ATF7: variants seen among roughly 807,000 people sequenced by gnomAD.
ATF7 encodes the protein activating transcription factor 7.
In ATF7, 10 loss-of-function variants were observed where a neutral mutation model predicts 50.4. The observed-to-expected ratio is 0.20, with a 90% CI of 0.12 to 0.34. The LOEUF is 0.34. Among genes scored for constraint, ATF7 ranks in the 10% least tolerant of loss-of-function variants. ATF7 has a pLI of 1.00. For missense variants in ATF7, 465 were observed against 613.9 expected (o/e 0.76, Z 2.56); for synonymous variants, 201 against 226.4 (o/e 0.89, Z 1.01).
chr12:53,561,435 T>A (rs575073732), intron 2 of ATF7, among the ~76,000 whole-genome samples: 1 of 152,004 alleles, frequency 6.6e-6, no homozygotes, highest in African/African-American at 2.4e-5. Flanking sequence ...AAATAACTGA[T>A]CTTTTTTTTG....
chr12:53,580,591 G>T (rs1159770249), intron 2 of ATF7, among the ~76,000 whole-genome samples: 1 of 149,308 alleles, frequency 6.7e-6, no homozygotes, highest in Admixed American at 6.7e-5. Context: ...GTGAACCCGG[G>T]AGGTGGAGCT....
intron 2 of ATF7, among the ~76,000 whole-genome samples, chr12:53,590,710 T>A (rs1304696986): frequency 6.6e-6 from 1 of 152,098 alleles, no homozygotes; most frequent in Non-Finnish European, 1.5e-5. Context: ...AGCTGTGGAG[T>A]CTCCCACGTC....
chr12:53,521,364 A>G (rs1038721116), intron 11 of ATF7, among the ~76,000 whole-genome samples: 4 of 152,120 alleles, frequency 2.6e-5, no homozygotes, highest in African/African-American at 9.7e-5. Flanking sequence ...GATCCTCACC[A>G]TGACTGATGA....
At chr12:53,535,333 A>AT (rs1939155665) in intron 5 of ATF7, among the ~76,000 whole-genome samples, 1 of 151,324 alleles carries the variant, frequency 6.6e-6, no homozygotes, top group Non-Finnish European at 1.5e-5. Flanking sequence ...TGCCTCAAAA[A>AT]AAAAAAAAAA....
At chr12:53,618,071 A>G (rs1016075620) in intron 1 of ATF7, among the ~76,000 whole-genome samples, 6 of 152,176 alleles carry the variant, frequency 3.9e-5, no homozygotes, top group Non-Finnish European at 7.3e-5. Context: ...CCAATGCAAA[A>G]TATTTGTTGT....
At chr12:53,591,679 G>A (rs1021805365) in intron 2 of ATF7, among the ~76,000 whole-genome samples, 61 of 152,298 alleles carry the variant, frequency 4.0e-4, no homozygotes, top group Admixed American at 1.2e-3. Context: ...TAATTGCCCA[G>A]TATCAAAAGA....
intron 11 of ATF7, among the ~76,000 whole-genome samples, chr12:53,519,840 GGGTTCAAGC>G (rs1937995948): frequency 6.6e-6 from 1 of 152,070 alleles, no homozygotes; most frequent in Non-Finnish European, 1.5e-5. Context: ...TCTGCCTCCT[GGGTTCAAGC>G]GATTCTCCTG....
intron 2 of ATF7, among the ~76,000 whole-genome samples, chr12:53,593,277 T>C (rs1943022488): frequency 6.6e-6 from 1 of 152,092 alleles, no homozygotes; most frequent in Non-Finnish European, 1.5e-5. Flanking sequence ...CATGGTGGTG[T>C]GCACCTGTAG....
At chr12:53,510,849 G>A (rs1460300122), downstream of ATF7, among the ~76,000 whole-genome samples, 5 of 152,218 alleles carry the variant, frequency 3.3e-5, no homozygotes, top group Non-Finnish European at 7.3e-5. Context: ...TCAGAGTGCA[G>A]CTTCAGTGGT....
chr12:53,600,338 TTC>T (rs1943340552), intron 2 of ATF7, among the ~76,000 whole-genome samples: 1 of 152,164 alleles, frequency 6.6e-6, no homozygotes, highest in South Asian at 2.1e-4. Context: ...AAACATTTCT[TTC>T]TTTCTTTTTT....
intron 9 of ATF7, among the ~76,000 whole-genome samples, chr12:53,530,521 G>A (rs2137370922): frequency 6.6e-6 from 1 of 151,910 alleles, no homozygotes; most frequent in African/African-American, 2.4e-5. Flanking sequence ...GTGATAAAAA[G>A]GGATTTAATT....
intron 1 of ATF7, among the ~76,000 whole-genome samples, chr12:53,611,452 AAAACAAAC>A (rs76059775): frequency 8.6e-5 from 13 of 151,644 alleles, no homozygotes; most frequent in South Asian, 4.2e-4. Context: ...ACTCTATCGC[AAAACAAAC>A]AAACAAACAA....
At chr12:53,530,181 A>G (rs1938783123) in intron 9 of ATF7, among the ~76,000 whole-genome samples, 1 of 152,240 alleles carries the variant, frequency 6.6e-6, no homozygotes, top group Non-Finnish European at 1.5e-5. Flanking sequence ...GTGGGGTTAC[A>G]GGAGGGTAGG....
chr12:53,561,396 T>A (rs926831768), intron 2 of ATF7, among the ~76,000 whole-genome samples: 12 of 150,962 alleles, frequency 7.9e-5, no homozygotes, highest in Admixed American at 1.3e-4. Context: ...TCTAGAATAG[T>A]GATGCTGGTG....
At chr12:53,541,500 T>G (rs992127533) in intron 4 of ATF7, among the ~76,000 whole-genome samples, 1 of 152,196 alleles carries the variant, frequency 6.6e-6, no homozygotes, top group Admixed American at 6.5e-5. Flanking sequence ...ATGGGAACTA[T>G]CTTCCTTTGA....
At chr12:53,617,542 T>C (rs1235654637) in intron 1 of ATF7, among the ~76,000 whole-genome samples, 3 of 152,074 alleles carry the variant, frequency 2.0e-5, no homozygotes, top group Admixed American at 6.5e-5. Flanking sequence ...GGCAGAAGAA[T>C]TGCTTGTAAT....
intron 11 of ATF7, among the ~76,000 whole-genome samples, chr12:53,519,803 G>A (rs1489128093): frequency 1.3e-5 from 2 of 152,098 alleles, no homozygotes; most frequent in Non-Finnish European, 2.9e-5. Flanking sequence ...CTGGAGTGCA[G>A]TGGCACTATT....
At chr12:53,534,263 C>G (rs879276220) in intron 6 of ATF7, among the ~76,000 whole-genome samples, 1 of 151,952 alleles carries the variant, frequency 6.6e-6, no homozygotes, top group South Asian at 2.1e-4. Context: ...GGCGACAGAG[C>G]GAGCCTCTAT....
chr12:53,610,986 C>T (rs1943846830), intron 1 of ATF7, among the ~76,000 whole-genome samples: 2 of 151,890 alleles, frequency 1.3e-5, no homozygotes, highest in Non-Finnish European at 2.9e-5. Context: ...ACCACCATGC[C>T]CAGCTCATTT....
Sources: gnomAD v4.1 joint callset for allele counts (sites outside exome capture counted in the v4.1 genomes callset) on GRCh38, gnomAD v4.1.1 for gene constraint, MANE v1.5 for transcripts, NCBI Gene and HGNC (gene_info 2026-07-23, HGNC 2026-07-21) for gene names.